Variants in PTPA observed in about 807,000 individuals in gnomAD.
PTPA encodes protein phosphatase 2 phosphatase activator, also known as serine/threonine-protein phosphatase 2A activator.
Under a neutral mutation model 43.6 loss-of-function variants are expected in PTPA, and 13 were observed. The ratio of observed to expected loss-of-function variants is 0.30; its 90% CI spans 0.19 to 0.47. PTPA has a LOEUF of 0.47. PTPA is among the 20% of genes least tolerant of loss of function. The probability of loss-of-function intolerance (pLI) is 0.99; values close to 1 mark genes in which losing one functional copy is unlikely to be tolerated. For missense variants in PTPA, 329 were observed against 411.9 expected (o/e 0.80, Z 1.74); for synonymous variants, 172 against 158.2 (o/e 1.09, Z -0.66).
chr9:129,111,576 CG>C lies in PTPA; in HGVS notation c.-22del, dbSNP rs1848484263. 7.8e-7 allele frequency: 1 copy of C among 1,288,404 alleles called. No homozygotes were observed. The highest frequency in any genetic ancestry group is 9.9e-7 in the Non-Finnish European group (1 of 1,009,486). The allele number at this position is 1,288,404 out of a possible 1,614,324, so 79.8% of individuals were successfully genotyped here. ...AAGGCGAGAGGGGACTGCAAGCATC[CG>C]GGTCGGCTCCTGGCCGGAGCAAGAT... On this transcript the variant is annotated 5_prime_UTR_variant, in exon 1 of 10. Coordinates refer to ENST00000393370, the MANE Select transcript of PTPA (RefSeq NM_178000.3).
intron 4 of PTPA, 133 bp from the exon 5 acceptor site, chr9:129,131,389 G>A (rs1849957846): frequency 1.4e-6 from 1 of 702,900 alleles, no homozygotes; most frequent in African/African-American, 1.8e-5. Context: ...TTCCTTCTGT[G>A]GCCTGTCAGA....
intron 5 of PTPA, among the ~76,000 whole-genome samples, chr9:129,132,662 T>A (rs1471694294): frequency 6.6e-6 from 1 of 152,198 alleles, no homozygotes; most frequent in Non-Finnish European, 1.5e-5. Context: ...TTAGTGTTTT[T>A]GGTAGAGACA....
chr9:129,136,689 T>G, intron 7 of PTPA, 94 bp downstream of exon 7: 2 of 1,393,740 alleles, frequency 1.4e-6, no homozygotes, highest in East Asian at 5.1e-5. Context: ...CCTTCCCTTC[T>G]TCCTGCCCAG....
chr9:129,142,882 C>T (rs894583452), intron 9 of PTPA: 96 of 1,507,834 alleles, frequency 6.4e-5, no homozygotes, highest in Non-Finnish European at 8.3e-5. Flanking sequence ...AAAGGCTCCT[C>T]AAAGCTCGGG....
intron 9 of PTPA, chr9:129,143,720 C>T (rs1038238254): frequency 1.2e-5 from 4 of 344,356 alleles, no homozygotes; most frequent in Non-Finnish European, 2.2e-5. Context: ...AGCCCACATA[C>T]CTCTCTAATC....
At chr9:129,114,248 C>T (rs1848727264) in intron 1 of PTPA, among the ~76,000 whole-genome samples, 1 of 152,182 alleles carries the variant, frequency 6.6e-6, no homozygotes, top group Admixed American at 6.5e-5. Flanking sequence ...GTCTCGAACT[C>T]CTGGCCTCAA....
intron 4 of PTPA, among the ~76,000 whole-genome samples, chr9:129,129,828 C>G (rs572436531): frequency 6.6e-6 from 1 of 151,986 alleles, no homozygotes; most frequent in Non-Finnish European, 1.5e-5. Flanking sequence ...TCTCAGAATT[C>G]GGGGAGGTTA....
rs1849977506 is a variant in PTPA, at chr9:129,131,645, T to C, written c.460+6T>C. The C allele has an allele frequency of 2.5e-6, 4 of 1,612,448 alleles. No homozygotes were observed. Among genetic ancestry groups the C allele is most frequent in the South Asian group, 1.1e-5 (1 of 91,040 alleles). ...GCGCATTGACTACGGCACAGGTATC[T>C]GCTGCTTGTGGGGCTCTGTACTTAT... On this transcript the variant is annotated splice_donor_region_variant and intron_variant, in intron 5 of 9. Coordinates refer to ENST00000393370, the MANE Select transcript of PTPA (RefSeq NM_178000.3).
chr9:129,128,329 A>T (rs1849717929), intron 3 of PTPA, among the ~76,000 whole-genome samples: 1 of 152,156 alleles, frequency 6.6e-6, no homozygotes, highest in African/African-American at 2.4e-5. Context: ...TGAGGTCGGG[A>T]GTTTGAGACC....
rs1195247292 is a variant in PTPA at position 129,131,646 on chromosome 9, G to A, written c.460+7G>A. ...CGCATTGACTACGGCACAGGTATCT[G>A]CTGCTTGTGGGGCTCTGTACTTATC... On this transcript the variant is annotated splice_region_variant and intron_variant, in intron 5 of 9. Coordinates refer to ENST00000393370, the MANE Select transcript of PTPA (RefSeq NM_178000.3). The A allele has an allele frequency of 6.2e-7, 1 of 1,611,584 alleles. No individual in the cohort carries two copies. The highest frequency in any genetic ancestry group is 1.3e-5 in the African/African-American group (1 of 74,862).
chr9:129,144,228 A>C (rs1851124171), intron 9 of PTPA, among the ~76,000 whole-genome samples: 1 of 151,808 alleles, frequency 6.6e-6, no homozygotes, highest in Non-Finnish European at 1.5e-5. Flanking sequence ...TGGCAGGAAC[A>C]CAGGGACTGT....
intron 7 of PTPA, 101 bp from the exon 8 acceptor site, chr9:129,137,491 G>A (rs1850447640): frequency 7.1e-6 from 6 of 846,102 alleles, no homozygotes; most frequent in Non-Finnish European, 1.1e-5. Context: ...AGGGCACCAC[G>A]GGCAGGACTG....
At chr9:129,128,131 C>A in intron 3 of PTPA, 2 of 1,106,100 alleles carry the variant, frequency 1.8e-6, no homozygotes, top group Non-Finnish European at 2.5e-6. Flanking sequence ...TAGTCACTTG[C>A]TCAAGGTCTC....
intron 9 of PTPA, chr9:129,142,863 C>G (rs1249987024): frequency 1.8e-5 from 27 of 1,524,856 alleles, no homozygotes; most frequent in Non-Finnish European, 2.3e-5. Flanking sequence ...TCTCCTTTAT[C>G]AAGTGGCCAA....
chr9:129,114,184 G>A (rs1395818794), intron 1 of PTPA, among the ~76,000 whole-genome samples: 1 of 152,088 alleles, frequency 6.6e-6, no homozygotes, highest in African/African-American at 2.4e-5. Context: ...ACTGTGCCGG[G>A]CTAATTTTTT....
chr9:129,136,379 A>G lies in PTPA; in HGVS notation c.561-92A>G. 3.6e-6 allele frequency: 5 copies of G among 1,384,892 alleles called. No individual in the cohort carries two copies. In the South Asian group the frequency reaches 7.3e-5, roughly 20 times the overall value. 85.8% of individuals were successfully genotyped at this position (1,384,892 alleles called of 1,614,324 possible). ...GACCAGTTAACACTCTTCAGTGGTT[A>G]TTTTGGGGTCTCCTTGTGCTCCCAG... On this transcript the variant is annotated intron_variant, in intron 6 of 9. Transcript: ENST00000393370.
chr9:129,130,430 G>A (rs1420227637), intron 4 of PTPA, among the ~76,000 whole-genome samples: 1 of 132,540 alleles, frequency 7.5e-6, no homozygotes, highest in Non-Finnish European at 1.6e-5. Context: ...TTTTTTTCCT[G>A]TTGTTCAGGC....
intron 5 of PTPA, 125 bp from the exon 6 acceptor site, chr9:129,134,670 C>T: frequency 1.5e-6 from 1 of 687,218 alleles, no homozygotes; most frequent in Non-Finnish European, 2.5e-6. Flanking sequence ...GAAGAGGTCT[C>T]ATTGTCTCCA....
chr9:129,122,525 A>G (rs1226999487), intron 2 of PTPA, among the ~76,000 whole-genome samples: 2 of 152,092 alleles, frequency 1.3e-5, no homozygotes, highest in Non-Finnish European at 2.9e-5. Flanking sequence ...CTGCACTCCA[A>G]CTAGACAGCC....
Sources: gnomAD v4.1 joint callset for allele counts (sites outside exome capture counted in the v4.1 genomes callset) on GRCh38, gnomAD v4.1.1 for gene constraint, MANE v1.5 for transcripts, NCBI Gene and HGNC (gene_info 2026-07-23, HGNC 2026-07-21) for gene names.